The following FERMT3 variants were observed in gnomAD, a reference collection of about 807,000 sequenced individuals.
FERMT3 encodes FERM domain containing kindlin 3.
A neutral mutation model predicts 80.8 loss-of-function variants in FERMT3; 33 were observed. The observed-to-expected ratio is 0.41, with a 90% confidence interval of 0.31 to 0.55. The LOEUF (loss-of-function observed/expected upper bound fraction) is 0.55. FERMT3 is among the 20% of genes least tolerant of loss of function. FERMT3 has a pLI of 0.31. For synonymous variants in FERMT3, 375 were observed against 372.2 expected (o/e 1.01, Z -0.09); for missense variants, 754 against 908.7 (o/e 0.83, Z 2.19).
Position 64,223,752 on chromosome 11 carries a change from C to T in FERMT3, c.*260C>T. 1 of 802,676 alleles carries T rather than the reference C, an allele frequency of 1.2e-6. No individual in the cohort carries two copies. The highest frequency in any genetic ancestry group is 2.0e-6 in the Non-Finnish European group (1 of 508,306). 49.7% of individuals were successfully genotyped at this position (802,676 alleles called of 1,614,324 possible). ...GTCTGAGTGGCTGAGGCTGATACCC[C>T]TGACCTATCTGCAGTCCCCCAGCAC... On this transcript the variant is annotated 3_prime_UTR_variant, in exon 15 of 15. Coordinates refer to ENST00000345728, the MANE Select transcript of FERMT3 (RefSeq NM_031471.6).
At chr11:64,220,154 G>A (rs1565296085) in intron 10 of FERMT3, 66 bp from the exon 11 acceptor site, 1 of 1,569,266 alleles carries the variant, frequency 6.4e-7, no homozygotes, top group Non-Finnish European at 8.8e-7. Context: ...GGGCTAGGAT[G>A]CACTCCAGGA....
chr11:64,211,890 C>A lies in FERMT3; in HGVS notation c.786+143C>A. Reference sequence around the variant, plus strand: ...TCCATCCACACCTTTGTTTACTGACCCCACAAACACCCACTGAAACTCATC... The same window carrying A: ...TCCATCCACACCTTTGTTTACTGACACCACAAACACCCACTGAAACTCATC... On this transcript the variant is annotated intron_variant, in intron 6 of 14. Transcript: ENST00000345728. The surrounding 1 kb of genome is among the most constrained non-coding windows in gnomAD (Gnocchi z 4.7). 1.3e-6 allele frequency: 1 copy of A among 775,576 alleles called. No individual in the cohort carries two copies. Among genetic ancestry groups the A allele is most frequent in the Non-Finnish European group, 2.2e-6 (1 of 458,388 alleles). 48.0% of individuals were successfully genotyped at this position (775,576 alleles called of 1,614,324 possible). A position where few individuals can be genotyped will look rare whatever the true frequency, so the allele number is the denominator to read the frequency against.
chr11:64,208,599 C>T (rs561065516), intron 2 of FERMT3, among the ~76,000 whole-genome samples: 38 of 152,356 alleles, frequency 2.5e-4, no homozygotes, highest in African/African-American at 8.7e-4. Context: ...CCCATGGGGG[C>T]TGCGTGCCGG....
Position 64,220,651 on chromosome 11 carries a change from A to G in FERMT3, c.1527A>G (p.Arg509=), listed in dbSNP as rs755898664. The G allele has an allele frequency of 6.2e-6, 10 of 1,611,436 alleles. No homozygotes were observed. Among genetic ancestry groups the G allele is most frequent in the Non-Finnish European group, 6.8e-6 (8 of 1,179,306 alleles). ...GCCTCGTTGCCCCCCGTTTCCAGCG[A>G]AAGTTCAAGGCCAAGCAGGTACCAG... is the stretch of plus-strand genomic sequence containing the variant. ...PYGLVAPRFQ[R]KFKAKQLTPR... is the part of the protein sequence containing the mutation. The change falls in exon 12 of 15, where the codon CGA becomes CGG. Residue 509 remains arginine, a synonymous_variant. Transcript: ENST00000345728.
chr11:64,207,758 C>A, intron 2 of FERMT3: 2 of 528,752 alleles, frequency 3.8e-6, no homozygotes, highest in Non-Finnish European at 6.7e-6. Context: ...TCAGACGCAG[C>A]CACAATCCTC....
At chr11:64,214,012 C>G (rs987108322) in intron 6 of FERMT3, among the ~76,000 whole-genome samples, 1 of 152,162 alleles carries the variant, frequency 6.6e-6, no homozygotes, top group Admixed American at 6.5e-5. Context: ...ATTTCCTTGC[C>G]TCTTTCTAAG....
chr11:64,222,871 C>T (rs563618551), intron 13 of FERMT3, among the ~76,000 whole-genome samples, 177 bp from the exon 14 acceptor site: 1 of 152,322 alleles, frequency 6.6e-6, no homozygotes, highest in African/African-American at 2.4e-5. Context: ...TCAATTAACC[C>T]CCATTTACCA....
intron 6 of FERMT3, among the ~76,000 whole-genome samples, chr11:64,213,372 C>G (rs1468143365): frequency 2.0e-5 from 3 of 149,716 alleles, no homozygotes; most frequent in Non-Finnish European, 4.4e-5. Flanking sequence ...AACTCCTGAC[C>G]TCAGGTGATC....
In FERMT3 at chr11:64,219,936, G is replaced by A. The variant is rs746310738; in HGVS notation, c.1125G>A (p.Val375=). 1 of 1,613,924 alleles carries A rather than the reference G, an allele frequency of 6.2e-7. No individual in the cohort carries two copies. The highest frequency in any genetic ancestry group is 1.1e-5 in the South Asian group (1 of 91,084). The change falls in exon 10 of 15, where the codon GTG becomes GTA. Residue 375 remains valine, a synonymous_variant. Coordinates refer to ENST00000345728, the MANE Select transcript of FERMT3 (RefSeq NM_031471.6). The surrounding 1 kb of genome is among the most constrained non-coding windows in gnomAD (Gnocchi z 4.0). ...TLKGYRQHWV[V]FKETTLSYYK... ...AGGGCTACCGCCAACACTGGGTGGT[G>A]TTCAAGGAGACCACACTGTCCTACT...
intron 6 of FERMT3, among the ~76,000 whole-genome samples, chr11:64,215,090 A>G (rs1393044214): frequency 6.6e-6 from 1 of 152,106 alleles, no homozygotes; most frequent in Non-Finnish European, 1.5e-5. Flanking sequence ...GATTACAGGC[A>G]TGAGCCACCA....
chr11:64,213,879 C>T (rs1232054703), intron 6 of FERMT3, among the ~76,000 whole-genome samples: 2 of 152,208 alleles, frequency 1.3e-5, no homozygotes, highest in East Asian at 3.9e-4. Context: ...CCTTTTTATT[C>T]TAGTGTTTTC....
chr11:64,223,770 C>T lies in FERMT3; in HGVS notation c.*278C>T. 3 of 887,420 alleles carry T rather than the reference C, an allele frequency of 3.4e-6. No homozygotes were observed. Among genetic ancestry groups the T allele is most frequent in the Non-Finnish European group, 5.2e-6 (3 of 580,620 alleles). The allele number at this position is 887,420 out of a possible 1,614,324, so 55.0% of individuals were successfully genotyped here. ...GATACCCCTGACCTATCTGCAGTCC[C>T]CCAGCACACAAGGAAGACCAGATGT... On this transcript the variant is annotated 3_prime_UTR_variant, in exon 15 of 15. Coordinates refer to ENST00000345728, the MANE Select transcript of FERMT3 (RefSeq NM_031471.6).
rs1411126608 is a variant in FERMT3 at position 64,219,758 on chromosome 11, C to G, written c.1048C>G (p.Pro350Ala). 6.2e-7 allele frequency: 1 copy of G among 1,613,874 alleles called. No homozygotes were observed. Among genetic ancestry groups the G allele is most frequent in the African/African-American group, 1.3e-5 (1 of 74,858 alleles). ...TDVLDSLTTIPELKDHLRIFR... is the reference protein window; with the variant it reads ...TDVLDSLTTIAELKDHLRIFR... ...CCCATAGGACAGCCTCACCACCATC[C>G]CAGAGCTCAAGGACCATCTCCGAAT... Residue 350 changes from proline to alanine, a missense_variant, in exon 9 of 15, where the codon CCA (proline) becomes GCA (alanine). By Grantham distance (27) the Pro-to-Ala change is conservative (BLOSUM62 -1). Coordinates refer to ENST00000345728, the MANE Select transcript of FERMT3 (RefSeq NM_031471.6). The surrounding 1 kb of genome is among the most constrained non-coding windows in gnomAD (Gnocchi z 4.0).
chr11:64,209,889 G>T (rs1437236056), intron 2 of FERMT3, among the ~76,000 whole-genome samples: 1 of 152,196 alleles, frequency 6.6e-6, no homozygotes, highest in South Asian at 2.1e-4. Context: ...GGAGGGAGGA[G>T]GCGGGGAGAC....
chr11:64,208,422 C>T (rs1263755656), intron 2 of FERMT3, among the ~76,000 whole-genome samples: 1 of 152,164 alleles, frequency 6.6e-6, no homozygotes, highest in Non-Finnish European at 1.5e-5. Context: ...AGACAGACCC[C>T]GCTGCTCTAC....
In FERMT3 at chr11:64,211,158, T is replaced by A; in HGVS notation, c.501T>A (p.Val167=). The A allele has an allele frequency of 6.6e-7, 1 of 1,505,818 alleles. No homozygotes were observed. The highest frequency in any genetic ancestry group is 2.0e-5 in the Admixed American group (1 of 49,310). The allele number at this position is 1,505,818 out of a possible 1,614,324, so 93.3% of individuals were successfully genotyped here. A position where few individuals can be genotyped will look rare whatever the true frequency, so the allele number is the denominator to read the frequency against. The change falls in exon 4 of 15, where the codon GTT becomes GTA. Residue 167 remains valine, a synonymous_variant. Coordinates refer to ENST00000345728, the MANE Select transcript of FERMT3 (RefSeq NM_031471.6). The surrounding 1 kb of genome is among the most constrained non-coding windows in gnomAD (Gnocchi z 4.7). The part of the protein sequence containing the change: ...PEEELYDLSK[V]VLAGGVAPAL... Reference sequence around the variant, plus strand: ...AAGAGCTCTATGACTTGAGCAAGGTTGTCTTGGCTGGGGGTGAGTGCAAGT... The same window carrying A: ...AAGAGCTCTATGACTTGAGCAAGGTAGTCTTGGCTGGGGGTGAGTGCAAGT...
chr11:64,215,458 T>G lies in FERMT3; in HGVS notation c.786+3711T>G, dbSNP rs532127891. On this transcript the variant is annotated intron_variant, in intron 6 of 14. Transcript: ENST00000345728. Reference sequence around the variant, plus strand: ...TTCTGGATATGAGCACTTTGCCAGATAAATACATTGTGAATATATTTTCCC... The same window carrying G: ...TTCTGGATATGAGCACTTTGCCAGAGAAATACATTGTGAATATATTTTCCC... Among the ~76,000 whole-genome samples, 3 of 152,136 alleles carry G rather than the reference T, an allele frequency of 2.0e-5. No individual in the cohort carries two copies. The South Asian group carries it at 6.3e-4, about 32-fold the overall frequency.
chr11:64,206,140 C>T (rs1241551739), upstream of FERMT3, among the ~76,000 whole-genome samples: 14 of 152,056 alleles, frequency 9.2e-5, no homozygotes, highest in African/African-American at 2.2e-4. Flanking sequence ...CCTGAGGGCC[C>T]GGGAGGTTGT....
chr11:64,217,071 G>A (rs558334657), intron 6 of FERMT3, among the ~76,000 whole-genome samples: 7 of 152,098 alleles, frequency 4.6e-5, no homozygotes, highest in Non-Finnish European at 1.0e-4. Flanking sequence ...TGGCATCTTG[G>A]TGGCCCCCTG....
Sources: gnomAD v4.1 joint callset for allele counts (sites outside exome capture counted in the v4.1 genomes callset) on GRCh38, gnomAD v4.1.1 for gene constraint, Gnocchi (gnomAD v3.1) non-coding constraint, MANE v1.5 for transcripts, NCBI Gene and HGNC (gene_info 2026-07-23, HGNC 2026-07-21) for gene names.